HEATR5A: variants seen among roughly 807,000 people sequenced by gnomAD.
HEATR5A encodes the protein HEAT repeat-containing protein 5A.
HEATR5A carries 178 observed loss-of-function variants against 218.8 expected under a neutral mutation model. That is an observed-to-expected ratio of 0.81 (90% CI 0.72 to 0.92). HEATR5A has a LOEUF of 0.92. HEATR5A is among the 40% of genes least tolerant of loss of function. The pLI, the probability that HEATR5A is intolerant of heterozygous loss-of-function variation, is 0.00. For synonymous variants in HEATR5A, 864 were observed against 871.6 expected (o/e 0.99, Z 0.15); for missense variants, 2,420 against 2,418.9 (o/e 1.00, Z -0.01).
intron 14 of HEATR5A, among the ~76,000 whole-genome samples, chr14:31,359,729 C>CAAAAAAA (rs376157768): frequency 0.015 from 483 of 31,590 alleles, no homozygotes; most frequent in Middle Eastern, 0.025. Flanking sequence ...CATCTCAAGA[C>CAAAAAAA]AAAAAAAAAA....
At chr14:31,402,167 A>C (rs1419614403) in intron 2 of HEATR5A, among the ~76,000 whole-genome samples, 2 of 152,220 alleles carry the variant, frequency 1.3e-5, no homozygotes, top group Non-Finnish European at 2.9e-5. Flanking sequence ...CATAAATAAA[A>C]TGTCTTCTGT....
At chr14:31,389,654 C>CA (rs1403079374) in intron 6 of HEATR5A, among the ~76,000 whole-genome samples, 1 of 151,902 alleles carries the variant, frequency 6.6e-6, no homozygotes, top group Non-Finnish European at 1.5e-5. Flanking sequence ...ATTATCTCCC[C>CA]AAAAAAAAGA....
In HEATR5A at chr14:31,293,574, A is replaced by G. The variant is rs759044471; in HGVS notation, c.5872T>C (p.Ser1958Pro). 2 of 1,613,438 alleles carry G rather than the reference A, an allele frequency of 1.2e-6. No homozygotes were observed. Among genetic ancestry groups the G allele is most frequent in the Non-Finnish European group, 1.7e-6 (2 of 1,179,680 alleles). ...AGAGAATTTTCATCCAAAAGGAAGG[A>G]AATGAGGATGGGCAAAAGACAGGCC... The part of the protein sequence containing the change: ...LVACLLPILI[S>P]FLLDENSLGS... Residue 1958 changes from serine (S) to proline (P), a missense_variant, in exon 36 of 36, where the codon TCC becomes CCC. Ser to Pro is a moderately conservative substitution (Grantham distance 74). Transcript: ENST00000543095.
intron 21 of HEATR5A, among the ~76,000 whole-genome samples, chr14:31,337,923 T>C (rs1391905739): frequency 6.6e-6 from 1 of 152,132 alleles, no homozygotes; most frequent in Non-Finnish European, 1.5e-5. Flanking sequence ...AAAAAAGAAC[T>C]ACAATGGAAA....
chr14:31,372,190 T>G (rs1214771639), intron 12 of HEATR5A, among the ~76,000 whole-genome samples: 1 of 139,998 alleles, frequency 7.1e-6, no homozygotes, highest in African/African-American at 2.8e-5. Flanking sequence ...CCCTCAAGCT[T>G]AGAAGCAAAA....
chr14:31,325,283 T>G (rs572039933), intron 23 of HEATR5A, among the ~76,000 whole-genome samples: 1 of 152,188 alleles, frequency 6.6e-6, no homozygotes, highest in Non-Finnish European at 1.5e-5. Flanking sequence ...TTTTAAAGAT[T>G]TGAATATACT....
intron 21 of HEATR5A, among the ~76,000 whole-genome samples, chr14:31,342,613 A>G (rs1900875686): frequency 6.6e-6 from 1 of 152,190 alleles, no homozygotes; most frequent in Non-Finnish European, 1.5e-5. Context: ...CTAAAGGTGC[A>G]CAGCTAGGAG....
At chr14:31,336,465 C>T (rs936400317) in intron 22 of HEATR5A, among the ~76,000 whole-genome samples, 2 of 151,698 alleles carry the variant, frequency 1.3e-5, no homozygotes, top group East Asian at 3.9e-4. Flanking sequence ...CTTAAGATTA[C>T]AGGTGTGAGC....
In HEATR5A at chr14:31,293,266, A is replaced by G; in HGVS notation, c.*39T>C. 1 of 1,456,026 alleles carries G rather than the reference A, an allele frequency of 6.9e-7. No homozygotes were observed. Among genetic ancestry groups the G allele is most frequent in the Non-Finnish European group, 9.3e-7 (1 of 1,073,268 alleles). The allele number at this position is 1,456,026 out of a possible 1,614,324, so 90.2% of individuals were successfully genotyped here. A position where few individuals can be genotyped will look rare whatever the true frequency, so the allele number is the denominator to read the frequency against. On this transcript the variant is annotated 3_prime_UTR_variant, in exon 36 of 36. Coordinates refer to ENST00000543095, the MANE Select transcript of HEATR5A (RefSeq NM_015473.4). ...TTGTCACCAAAGGCAATGATCAAGT[A>G]TTTATTATATTAAGGTGCTTACTAT...
At chr14:31,344,245 TAC>T (rs1230495935) in intron 20 of HEATR5A, among the ~76,000 whole-genome samples, 180 bp from the exon 21 acceptor site, 1 of 151,282 alleles carries the variant, frequency 6.6e-6, no homozygotes, top group Non-Finnish European at 1.5e-5. Context: ...TAATCTAAGT[TAC>T]AGATTGTTAG....
At chr14:31,407,961 G>A (rs1216600258) in intron 1 of HEATR5A, among the ~76,000 whole-genome samples, 1 of 152,126 alleles carries the variant, frequency 6.6e-6, no homozygotes, top group African/African-American at 2.4e-5. Flanking sequence ...ACACAAGAAT[G>A]TTAATTCCAT....
chr14:31,319,974 C>T (rs1011785277), intron 25 of HEATR5A, among the ~76,000 whole-genome samples: 6 of 152,054 alleles, frequency 3.9e-5, no homozygotes, highest in Non-Finnish European at 8.8e-5. Context: ...CCACTGCACT[C>T]CAGCCTGGGC....
chr14:31,304,588 T>C (rs1422097018), intron 32 of HEATR5A, among the ~76,000 whole-genome samples: 1 of 152,174 alleles, frequency 6.6e-6, no homozygotes, highest in Non-Finnish European at 1.5e-5. Flanking sequence ...TGGCTAATTT[T>C]GTATTTTTAG....
intron 27 of HEATR5A, among the ~76,000 whole-genome samples, chr14:31,315,392 G>A (rs540270922): frequency 5.3e-5 from 8 of 152,166 alleles, no homozygotes; most frequent in Non-Finnish European, 7.4e-5. Flanking sequence ...ATAAAATAAC[G>A]ACTACTTACT....
chr14:31,399,926 T>C (rs1453138598), intron 3 of HEATR5A, among the ~76,000 whole-genome samples: 1 of 152,224 alleles, frequency 6.6e-6, no homozygotes, highest in African/African-American at 2.4e-5. Context: ...TAAGCTGTTC[T>C]TTTTAGGATC....
intron 25 of HEATR5A, chr14:31,320,762 C>T (rs1251791603): frequency 1.5e-5 from 5 of 340,636 alleles, no homozygotes; most frequent in African/African-American, 2.2e-5. Flanking sequence ...CATTTTTTTT[C>T]CCCCTCTCTG....
chr14:31,405,348 C>T (rs187170262), intron 1 of HEATR5A, among the ~76,000 whole-genome samples: 9 of 152,220 alleles, frequency 5.9e-5, no homozygotes, highest in Admixed American at 3.9e-4. Flanking sequence ...GCAGGAGTAT[C>T]GCTCGAGCCC....
chr14:31,356,154 TG>T (rs1901418756), intron 16 of HEATR5A, among the ~76,000 whole-genome samples: 1 of 152,218 alleles, frequency 6.6e-6, no homozygotes, highest in Non-Finnish European at 1.5e-5. Flanking sequence ...TTCTATCTTC[TG>T]GTTCTGTAAC....
Position 31,374,800 on chromosome 14 carries a change from A to T in HEATR5A, c.1861+16T>A, listed in dbSNP as rs765491218. 5.6e-6 allele frequency: 9 copies of T among 1,597,558 alleles called. No homozygotes were observed. The East Asian group carries it at 2.0e-4, about 36-fold the overall frequency. On this transcript the variant is annotated intron_variant, in intron 12 of 35. Transcript: ENST00000543095. Reference sequence around the variant, plus strand: ...AAGCCAAAGGAAAGGGAGAGAAAAGACTAAATCCAACCTACCACACAGTGC... The same window carrying T: ...AAGCCAAAGGAAAGGGAGAGAAAAGTCTAAATCCAACCTACCACACAGTGC...
Sources: allele counts gnomAD v4.1 joint callset (sites outside exome capture counted in the v4.1 genomes callset), GRCh38; gene constraint gnomAD v4.1.1; transcripts MANE v1.5; gene names NCBI Gene and HGNC (gene_info 2026-07-23, HGNC 2026-07-21).